NECAB1: variants seen among roughly 807,000 people sequenced by gnomAD.
The protein encoded by NECAB1 is N-terminal EF-hand calcium binding protein 1.
In NECAB1, 29 loss-of-function variants were observed where a neutral mutation model predicts 57.5. The observed-to-expected ratio is 0.50, with a 90% confidence interval of 0.38 to 0.69. NECAB1 has a LOEUF of 0.69. NECAB1 is among the 30% of genes least tolerant of loss of function. NECAB1 has a pLI of 0.00. For missense variants in NECAB1, 372 were observed against 413.8 expected (o/e 0.90, Z 0.88); for synonymous variants, 142 against 147.7 (o/e 0.96, Z 0.28).
intron 4 of NECAB1, among the ~76,000 whole-genome samples, chr8:90,879,079 T>TATATATATTATATATATA (rs1808786931): frequency 2.3e-5 from 3 of 132,138 alleles, no homozygotes; most frequent in African/African-American, 1.0e-4. Context: ...TAATATATAT[T>TATATATATTATATATATA]ATATATATTA....
At chr8:90,806,056 G>C (rs1056511874) in intron 2 of NECAB1, among the ~76,000 whole-genome samples, 2 of 152,180 alleles carry the variant, frequency 1.3e-5, no homozygotes, top group African/African-American at 4.8e-5. Flanking sequence ...GGGGTGGGGG[G>C]CAAGAATAGC....
chr8:90,792,089 C>T, intron 1 of NECAB1, 104 bp downstream of exon 1: 1 of 885,014 alleles, frequency 1.1e-6, no homozygotes, highest in Non-Finnish European at 1.8e-6. Context: ...GCTTTGTCCC[C>T]AGAACACAGG....
chr8:90,809,369 A>G (rs1055371585), intron 2 of NECAB1, among the ~76,000 whole-genome samples: 1 of 152,190 alleles, frequency 6.6e-6, no homozygotes, highest in African/African-American at 2.4e-5. Context: ...ACTTCTTGCT[A>G]TTTCCAAACC....
At chr8:90,878,915 C>CTATA (rs1356341449) in intron 4 of NECAB1, among the ~76,000 whole-genome samples, 8 of 148,252 alleles carry the variant, frequency 5.4e-5, no homozygotes, top group East Asian at 3.9e-4. Flanking sequence ...ACCTCTCTCT[C>CTATA]TCTATATATA....
chr8:90,862,757 G>T (rs1287774631), intron 3 of NECAB1, among the ~76,000 whole-genome samples: 4 of 143,356 alleles, frequency 2.8e-5, no homozygotes, highest in African/African-American at 1.1e-4. Context: ...TCTATTGAAT[G>T]TTGGAAATAT....
chr8:90,800,673 C>T (rs1037984077), intron 1 of NECAB1, among the ~76,000 whole-genome samples: 6 of 152,254 alleles, frequency 3.9e-5, no homozygotes, highest in African/African-American at 7.2e-5. Context: ...AATAACAAAA[C>T]GAATGACAGC....
intron 2 of NECAB1, among the ~76,000 whole-genome samples, chr8:90,819,437 A>T (rs549936323): frequency 6.6e-6 from 1 of 152,032 alleles, no homozygotes; most frequent in Non-Finnish European, 1.5e-5. Flanking sequence ...TAGTATGAGG[A>T]TTTATGTCAA....
At chr8:90,821,437 G>A (rs1812142797) in intron 2 of NECAB1, among the ~76,000 whole-genome samples, 1 of 151,666 alleles carries the variant, frequency 6.6e-6, no homozygotes, top group South Asian at 2.1e-4. Context: ...ATCTAACTCT[G>A]ACTCTTCCTT....
intron 3 of NECAB1, among the ~76,000 whole-genome samples, chr8:90,845,183 A>G (rs10956780): frequency 0.32 from 49,114 of 151,984 alleles, 9,171 homozygotes; most frequent in East Asian, 0.73. Context: ...TACCTCATCC[A>G]AAACACCTTC....
At chr8:90,851,422 G>A (rs1040308289) in intron 3 of NECAB1, among the ~76,000 whole-genome samples, 24 of 152,124 alleles carry the variant, frequency 1.6e-4, no homozygotes, top group Admixed American at 4.6e-4. Context: ...ACTTGTGGAC[G>A]AAGCCTATAA....
At chr8:90,941,905 T>C (rs1810679253) in intron 10 of NECAB1, among the ~76,000 whole-genome samples, 1 of 152,212 alleles carries the variant, frequency 6.6e-6, no homozygotes, top group South Asian at 2.1e-4. Flanking sequence ...CCCTACCTTA[T>C]GAGCTTGCTT....
intron 3 of NECAB1, among the ~76,000 whole-genome samples, chr8:90,855,360 G>T (rs967104150): frequency 2.0e-5 from 3 of 152,086 alleles, no homozygotes; most frequent in Non-Finnish European, 2.9e-5. Context: ...TCCCTAAAAG[G>T]GTCCATGTAA....
chr8:90,880,256 T>C (rs1479264532), intron 4 of NECAB1, among the ~76,000 whole-genome samples: 1 of 152,124 alleles, frequency 6.6e-6, no homozygotes, highest in Non-Finnish European at 1.5e-5. Flanking sequence ...AAGGAAGGGT[T>C]CACAGGAATG....
At chr8:90,837,609 T>C (rs1812389816) in intron 3 of NECAB1, among the ~76,000 whole-genome samples, 1 of 152,216 alleles carries the variant, frequency 6.6e-6, no homozygotes, top group Admixed American at 6.5e-5. Flanking sequence ...GAAAAATGAT[T>C]GATCAGGGTC....
intron 2 of NECAB1, among the ~76,000 whole-genome samples, chr8:90,802,356 CA>C (rs1811772000): frequency 6.6e-6 from 1 of 152,226 alleles, no homozygotes; most frequent in East Asian, 1.9e-4. Context: ...GATGACTGCA[CA>C]ACATCTAAGT....
At chr8:90,865,835 G>A (rs2129825417) in intron 3 of NECAB1, among the ~76,000 whole-genome samples, 1 of 152,210 alleles carries the variant, frequency 6.6e-6, no homozygotes, top group South Asian at 2.1e-4. Context: ...CCCTTTGGTT[G>A]CATCTATTAT....
chr8:90,920,071 A>G (rs1189720526), intron 6 of NECAB1, among the ~76,000 whole-genome samples: 2 of 152,208 alleles, frequency 1.3e-5, no homozygotes, highest in African/African-American at 4.8e-5. Context: ...GGAAAGTAGA[A>G]GGCACTAGAG....
chr8:90,949,268 T>C (rs371754502), intron 10 of NECAB1, among the ~76,000 whole-genome samples: 56 of 151,520 alleles, frequency 3.7e-4, no homozygotes, highest in African/African-American at 1.3e-3. Context: ...CCACTAGGTA[T>C]TGGCAAACTA....
intron 10 of NECAB1, among the ~76,000 whole-genome samples, chr8:90,947,392 C>CT (rs760323596): frequency 4.3e-4 from 52 of 121,842 alleles, no homozygotes; most frequent in South Asian, 5.3e-4. Flanking sequence ...CATGTAACTT[C>CT]TTTTTTTTTT....
Sources: gnomAD v4.1 joint callset for allele counts (sites outside exome capture counted in the v4.1 genomes callset) on GRCh38, gnomAD v4.1.1 for gene constraint, MANE v1.5 for transcripts, NCBI Gene and HGNC (gene_info 2026-07-23, HGNC 2026-07-21) for gene names.